The following ELFN2 variants were observed in gnomAD, a reference collection of about 807,000 sequenced individuals.
ELFN2 encodes the protein extracellular leucine rich repeat and fibronectin type III domain containing 2.
A neutral mutation model predicts 45.5 loss-of-function variants in ELFN2; 17 were observed. That is an observed-to-expected ratio of 0.37 (90% confidence interval 0.26 to 0.56). The LOEUF is 0.56. ELFN2 is among the 20% of genes least tolerant of loss of function. The pLI is 0.77. For synonymous variants in ELFN2, 550 were observed against 551.5 expected (o/e 1.00, Z 0.04); for missense variants, 922 against 1,183.2 (o/e 0.78, Z 3.24).
chr22:37,374,210 C>T lies in ELFN2; in HGVS notation c.1325G>A (p.Arg442His), dbSNP rs771132559. The T allele has an allele frequency of 8.1e-6, 13 of 1,613,692 alleles. No homozygotes were observed. Among genetic ancestry groups the T allele is most frequent in the African/African-American group, 5.3e-5 (4 of 74,924 alleles). The change falls in exon 3 of 3, where the codon CGC (arginine) becomes CAC (histidine). Residue 442 changes from arginine (R) to histidine (H), a missense_variant. Physicochemically the swap from Arg to His is conservative, Grantham distance 29 (BLOSUM62 0). This residue lies in a region of ELFN2 where 564 missense variants were observed against 642.8 expected (regional missense o/e 0.88). Coordinates refer to ENST00000402918, the MANE Select transcript of ELFN2 (RefSeq NM_052906.5). The part of the protein sequence containing the change: ...VNVKKTILEM[R>H]YGADVDAGSI... ...GCCGGCATCCACATCAGCCCCGTAGCGCATCTCCAGGATGGTCTTCTTGAC... is the reference window on the plus strand; with the variant it reads ...GCCGGCATCCACATCAGCCCCGTAGTGCATCTCCAGGATGGTCTTCTTGAC...
intron 2 of ELFN2, among the ~76,000 whole-genome samples, chr22:37,394,540 C>G (rs911904727): frequency 1.3e-5 from 2 of 152,328 alleles, no homozygotes; most frequent in African/African-American, 2.4e-5. Context: ...GAGTGTCCAG[C>G]CCCCGTGGAC....
intron 1 of ELFN2, among the ~76,000 whole-genome samples, chr22:37,422,850 C>A (rs1355023104): frequency 6.6e-6 from 1 of 151,346 alleles, no homozygotes; most frequent in Admixed American, 6.6e-5. Context: ...CTGCCTCGGC[C>A]TCCCAAAGTG....
In ELFN2 at chr22:37,369,972, C is replaced by T. The variant is rs999760403; in HGVS notation, c.*3100G>A. ...ACATTTTGTGAATACTTCCCTCCCG[C>T]CTGGGAAAAACTCATCCTGAGCAGG... is the stretch of plus-strand genomic sequence containing the variant. On this transcript the variant is annotated 3_prime_UTR_variant, in exon 3 of 3. Transcript: ENST00000402918. 6.6e-6 allele frequency: 1 copy of T among 152,304 alleles called. No homozygotes were observed. The highest frequency in any genetic ancestry group is 1.5e-5 in the Non-Finnish European group (1 of 68,116). 9.4% of individuals were successfully genotyped at this position (152,304 alleles called of 1,614,324 possible).
chr22:37,374,463 T>C lies in ELFN2; in HGVS notation c.1072A>G (p.Thr358Ala). 1.2e-6 allele frequency: 2 copies of C among 1,614,122 alleles called. No individual in the cohort carries two copies. Reference protein sequence around the residue: ...LDKLRAHTEYTFCVTSLRNSR... With the variant: ...LDKLRAHTEYAFCVTSLRNSR... ...TTGCGCAGCGAGGTCACGCAGAAGG[T>C]GTACTCAGTGTGCGCCCGCAGTTTG... Residue 358 changes from threonine (T) to alanine (A), a missense_variant, in exon 3 of 3, where the codon ACC becomes GCC. Around this residue, in one of 2 missense-constraint regions of ELFN2, gnomAD observed 358 missense variants for 540.4 expected, o/e 0.66. Transcript: ENST00000402918.
At position 37,374,022 on chromosome 22, in the gene ELFN2, C is replaced by T. The variant is rs754982133; in HGVS notation, c.1513G>A (p.Val505Met). The T allele has an allele frequency of 1.9e-6, 3 of 1,613,094 alleles. No individual in the cohort carries two copies. The highest frequency in any genetic ancestry group is 4.5e-5 in the East Asian group (2 of 44,884). ...CCGTCCCCGCCGGCGCCTGTGCGCACCTCGATATAGTTGCCTTTGGTGGCT... is the reference window on the plus strand; with the variant it reads ...CCGTCCCCGCCGGCGCCTGTGCGCATCTCGATATAGTTGCCTTTGGTGGCT... The part of the protein sequence containing the change: ...KVATKGNYIE[V>M]RTGAGGDGLA... Residue 505 changes from valine (V) to methionine (M), a missense_variant, in exon 3 of 3, where the codon GTG becomes ATG. Val to Met is a conservative substitution (Grantham distance 21). Coordinates refer to ENST00000402918, the MANE Select transcript of ELFN2 (RefSeq NM_052906.5).
rs1931543536 is a variant in ELFN2 at position 37,375,259 on chromosome 22, G to A, written c.276C>T (p.Ser92=). The A allele has an allele frequency of 1.2e-6, 2 of 1,614,122 alleles. No homozygotes were observed. Among genetic ancestry groups the A allele is most frequent in the Non-Finnish European group, 1.7e-6 (2 of 1,180,018 alleles). Residue 92 remains serine (S), a synonymous_variant, in exon 3 of 3, where the codon TCC becomes TCT. Transcript: ENST00000402918. ...CCAGGAAGGCACCGTCCTCGATGTA[G>A]GAGATCTCGTTCTTGGTGAGGTTGA... ...TDLNLTKNEI[S]YIEDGAFLGQ... is the part of the protein sequence containing the mutation.
Position 37,341,215 on chromosome 22 carries a change from C to T in ELFN2, n.252-246G>A, listed in dbSNP as rs117117768. 7.8e-3 allele frequency among the ~76,000 whole-genome samples: 1,193 copies of T among 152,170 alleles called. 68 individuals are homozygous for T. In the East Asian group the frequency reaches 0.16, roughly 20 times the overall value. ...AGGGGAGGTGCAGTCTTGACTGGGT[C>T]GGGTGGGCCTCTGAGGCTCGCATGG... is the stretch of plus-strand genomic sequence containing the variant. On this transcript the variant is annotated intron_variant and non_coding_transcript_variant, in intron 2 of 2. Coordinates refer to ENST00000452946, the Ensembl canonical transcript of ELFN2.
At chr22:37,355,869 C>T (rs1347957688) in intron 1 of ELFN2, among the ~76,000 whole-genome samples, 2 of 152,234 alleles carry the variant, frequency 1.3e-5, no homozygotes, top group African/African-American at 2.4e-5. Flanking sequence ...TACCTATTTG[C>T]CAGCAAACCT....
intron 1 of ELFN2, among the ~76,000 whole-genome samples, chr22:37,421,899 C>T (rs976362977): frequency 4.6e-5 from 7 of 152,184 alleles, no homozygotes; most frequent in Admixed American, 1.3e-4. Flanking sequence ...GCTGACCCCA[C>T]AGCCTCTGTC....
chr22:37,423,825 G>A (rs1325670875), intron 1 of ELFN2, among the ~76,000 whole-genome samples: 2 of 152,072 alleles, frequency 1.3e-5, no homozygotes, highest in African/African-American at 2.4e-5. Context: ...GGGGACTGTC[G>A]GCAGAGCTAG....
In ELFN2 at chr22:37,391,590, G is replaced by C. The variant is rs373732663; in HGVS notation, c.-462-15594C>G. The stretch of plus-strand genomic sequence containing the variant: ...ATGCCCAAGAGCCCACAGCTAAAGT[G>C]GCTCAGCACCCATGACTCCCCAGAT... On this transcript the variant is annotated intron_variant, in intron 2 of 2. Transcript: ENST00000402918. 1.1e-3 allele frequency among the ~76,000 whole-genome samples: 174 copies of C among 152,292 alleles called. 1 individual carries two copies. The highest frequency in any genetic ancestry group is 4.1e-3 in the African/African-American group (170 of 41,554).
chr22:37,377,607 G>C (rs924667351), intron 2 of ELFN2, among the ~76,000 whole-genome samples: 1 of 152,242 alleles, frequency 6.6e-6, no homozygotes, highest in African/African-American at 2.4e-5. Context: ...CAAGAAGTCC[G>C]AGGTGGGGAT....
Position 37,375,875 on chromosome 22 carries a change from T to C in ELFN2, c.-341A>G. On this transcript the variant is annotated 5_prime_UTR_variant, in exon 3 of 3. Transcript: ENST00000402918. ...CTCCTCCTCCTCCTCCTCCTCGTCT[T>C]CCTCCTTGGCTTCCGGGCTCAGAAC... The C allele has an allele frequency of 2.7e-6, 1 of 373,270 alleles. No homozygotes were observed. The highest frequency in any genetic ancestry group is 5.1e-6 in the Non-Finnish European group (1 of 197,462). The allele number at this position is 373,270 out of a possible 1,614,324, so 23.1% of individuals were successfully genotyped here. A position where few individuals can be genotyped will look rare whatever the true frequency, so the allele number is the denominator to read the frequency against.
chr22:37,400,443 G>A (rs1932334175), intron 2 of ELFN2, among the ~76,000 whole-genome samples: 1 of 152,232 alleles, frequency 6.6e-6, no homozygotes, highest in African/African-American at 2.4e-5. Context: ...CTGGGGCAAA[G>A]GCATTCTGGC....
At chr22:37,356,574 C>T (rs1215339354) in intron 1 of ELFN2, among the ~76,000 whole-genome samples, 7 of 152,148 alleles carry the variant, frequency 4.6e-5, no homozygotes, top group East Asian at 1.9e-4. Context: ...CAGGCGTGAA[C>T]GTCTTTCCTC....
intron 2 of ELFN2, among the ~76,000 whole-genome samples, chr22:37,341,864 A>G (rs1282731773): frequency 6.6e-6 from 1 of 152,148 alleles, no homozygotes; most frequent in East Asian, 1.9e-4. Context: ...AAGAGGCACA[A>G]ATGAGATAAT....
chr22:37,352,734 A>C (rs531806254), intron 1 of ELFN2, among the ~76,000 whole-genome samples: 7 of 150,968 alleles, frequency 4.6e-5, no homozygotes, highest in South Asian at 2.1e-4. Context: ...GGAAAGTGGC[A>C]GGGGAGGCTG....
chr22:37,355,393 G>A (rs1930924213), intron 1 of ELFN2, among the ~76,000 whole-genome samples: 1 of 152,240 alleles, frequency 6.6e-6, no homozygotes, highest in Non-Finnish European at 1.5e-5. Flanking sequence ...CTCATTGGCT[G>A]AGACTGGTCA....
chr22:37,349,901 C>T (rs990377242), intron 1 of ELFN2, among the ~76,000 whole-genome samples: 10 of 151,172 alleles, frequency 6.6e-5, no homozygotes, highest in African/African-American at 9.7e-5. Flanking sequence ...CAAAAGCCAG[C>T]GTTCCCTGAG....
Sources: allele counts gnomAD v4.1 joint callset (sites outside exome capture counted in the v4.1 genomes callset), GRCh38; gene constraint gnomAD v4.1.1; regional missense constraint gnomAD v4.1.1; transcripts MANE v1.5; gene names NCBI Gene and HGNC (gene_info 2026-07-23, HGNC 2026-07-21).